The following IMPG1 variants were observed in gnomAD, a reference collection of about 807,000 sequenced individuals.
IMPG1 encodes the protein interphotoreceptor matrix proteoglycan 1, also known as interphotoreceptor matrix proteoglycan of 150 kDa.
In IMPG1, 85 loss-of-function variants were observed where a neutral mutation model predicts 92.0. The observed-to-expected ratio is 0.92, with a 90% CI of 0.78 to 1.11. The LOEUF is 1.11. Among genes scored for constraint, IMPG1 ranks in the 50% least tolerant of loss-of-function variants. The probability of loss-of-function intolerance (pLI) is 0.00; values close to 1 mark genes in which losing one functional copy is unlikely to be tolerated. For synonymous variants in IMPG1, 367 were observed against 334.1 expected, an observed-to-expected ratio of 1.10 and a Z score of -1.08; for missense variants, 1,022 against 956.0, an observed-to-expected ratio of 1.07 and a Z score of -0.91.
At chr6:76,042,418 A>G (rs1582125492) in intron 1 of IMPG1, among the ~76,000 whole-genome samples, 1 of 151,880 alleles carries the variant, frequency 6.6e-6, no homozygotes, top group South Asian at 2.1e-4. Flanking sequence ...TCTAAAAATC[A>G]CTCCCCACTT....
At chr6:75,990,388 C>T (rs1241479673) in intron 12 of IMPG1, among the ~76,000 whole-genome samples, 2 of 152,248 alleles carry the variant, frequency 1.3e-5, no homozygotes, top group Middle Eastern at 3.4e-3. Flanking sequence ...ATCCTCTTAT[C>T]TTTTGGTTTA....
intron 14 of IMPG1, among the ~76,000 whole-genome samples, chr6:75,933,322 C>A (rs1007422508): frequency 5.3e-5 from 8 of 152,084 alleles, no homozygotes; most frequent in Admixed American, 5.2e-4. Flanking sequence ...GCCTTCACTG[C>A]CTGGATTTGT....
At chr6:75,947,566 T>A in intron 13 of IMPG1, 33 bp from the exon 14 acceptor site, 1 of 1,468,710 alleles carries the variant, frequency 6.8e-7, no homozygotes, top group South Asian at 1.2e-5. Flanking sequence ...CTCTTAACTG[T>A]GTTCTAAGTG....
chr6:75,950,759 G>C lies in IMPG1; in HGVS notation c.1627C>G (p.Pro543Ala), dbSNP rs1426602405. The change falls in exon 13 of 17, where the codon CCA (proline) becomes GCA (alanine). Residue 543 changes from proline to alanine, a missense_variant. Pro to Ala is a conservative substitution (Grantham distance 27). Around this residue, in one of 3 missense-constraint regions of IMPG1, gnomAD observed 332 missense variants for 346.2 expected, o/e 0.96. Coordinates refer to ENST00000369950, the MANE Select transcript of IMPG1 (RefSeq NM_001563.4). ...GTGGTATCCTCCAAGAAATGATCTG[G>C]GACAGAAACATATTCGCTGAGCTCT... is the stretch of plus-strand genomic sequence containing the variant. ...VPELSEYVSV[P>A]DHFLEDTTPV... The C allele has an allele frequency of 6.2e-7, 1 of 1,613,890 alleles. No homozygotes were observed. Among genetic ancestry groups the C allele is most frequent in the Admixed American group, 1.7e-5 (1 of 59,958 alleles).
chr6:76,063,793 CT>C (rs1582139025), intron 1 of IMPG1, among the ~76,000 whole-genome samples: 1 of 152,208 alleles, frequency 6.6e-6, no homozygotes, highest in East Asian at 1.9e-4. Context: ...CAGTATTCCT[CT>C]TGTTCCAGCC....
At chr6:75,980,228 T>C (rs1248278499) in intron 12 of IMPG1, among the ~76,000 whole-genome samples, 2 of 152,196 alleles carry the variant, frequency 1.3e-5, no homozygotes, top group African/African-American at 4.8e-5. Flanking sequence ...TAAAAGATAA[T>C]CCATCCTGAT....
At chr6:76,004,000 G>C (rs777633835) in intron 10 of IMPG1, 50 bp from the exon 11 acceptor site, 1 of 1,425,042 alleles carries the variant, frequency 7.0e-7, no homozygotes, top group Non-Finnish European at 9.8e-7. Context: ...TTTTTCTTTT[G>C]TGGTTGGGAC....
chr6:75,989,763 A>G (rs1173525592), intron 12 of IMPG1, among the ~76,000 whole-genome samples: 1 of 152,204 alleles, frequency 6.6e-6, no homozygotes, highest in Non-Finnish European at 1.5e-5. Context: ...GAATCTCTTG[A>G]ACCCATGAGG....
intron 1 of IMPG1, among the ~76,000 whole-genome samples, chr6:76,058,312 C>T (rs886963195): frequency 6.6e-6 from 1 of 152,080 alleles, no homozygotes; most frequent in South Asian, 2.1e-4. Context: ...AGAGAAGATA[C>T]TTCAAATGAA....
chr6:76,003,899 G>A lies in IMPG1; in HGVS notation c.1187C>T (p.Pro396Leu). The A allele has an allele frequency of 6.2e-7, 1 of 1,613,200 alleles. No individual in the cohort carries two copies. ...AFGPDTQSEL[P>L]TSFAVITEDA... ...CTCTGTTATAACAGCAAAAGATGTG[G>A]GCAGCTCTGATTGGGTGTCAGGACC... Residue 396 changes from proline (P) to leucine (L), a missense_variant, in exon 11 of 17, where the codon CCC becomes CTC. By Grantham distance (98) the Pro-to-Leu change is moderately conservative. Around this residue, in one of 3 missense-constraint regions of IMPG1, gnomAD observed 681 missense variants for 583.6 expected, o/e 1.17. Coordinates refer to ENST00000369950, the MANE Select transcript of IMPG1 (RefSeq NM_001563.4).
intron 5 of IMPG1, among the ~76,000 whole-genome samples, chr6:76,022,994 C>T (rs1421805646): frequency 6.6e-6 from 1 of 152,098 alleles, no homozygotes; most frequent in African/African-American, 2.4e-5. Context: ...AAAAATGATT[C>T]AATCTTTCCT....
At chr6:76,052,313 T>C (rs1488416982) in intron 1 of IMPG1, among the ~76,000 whole-genome samples, 4 of 152,172 alleles carry the variant, frequency 2.6e-5, no homozygotes, top group Non-Finnish European at 4.4e-5. Flanking sequence ...GCAGGGCATA[T>C]TGAGAAGAGG....
intron 12 of IMPG1, among the ~76,000 whole-genome samples, chr6:75,972,408 C>T (rs1782438731): frequency 6.6e-6 from 1 of 151,762 alleles, no homozygotes; most frequent in African/African-American, 2.4e-5. Context: ...ATAACCCATC[C>T]CAACCCTTTT....
At position 75,991,743 on chromosome 6, in the gene IMPG1, T is replaced by C. The variant is rs143583097; in HGVS notation, c.1291+11175A>G. The stretch of plus-strand genomic sequence containing the variant: ...TTACCATCAATGACAAACACATTCT[T>C]TTATATTATAATTAAGTGCATCCTG... On this transcript the variant is annotated intron_variant, in intron 12 of 16. Coordinates refer to ENST00000369950, the MANE Select transcript of IMPG1 (RefSeq NM_001563.4). 4.6e-4 allele frequency among the ~76,000 whole-genome samples: 70 copies of C among 152,320 alleles called. 1 individual carries two copies. Among genetic ancestry groups the C allele is most frequent in the African/African-American group, 1.6e-3 (65 of 41,566 alleles).
At chr6:75,987,746 G>T (rs748226667) in intron 12 of IMPG1, among the ~76,000 whole-genome samples, 1 of 151,382 alleles carries the variant, frequency 6.6e-6, no homozygotes. Flanking sequence ...CCGGGTTCAC[G>T]CCATTCTCCT....
chr6:75,953,976 T>C (rs1309372500), intron 12 of IMPG1, among the ~76,000 whole-genome samples: 1 of 152,250 alleles, frequency 6.6e-6, no homozygotes, highest in Non-Finnish European at 1.5e-5. Flanking sequence ...TATTCCATGG[T>C]ATATATGTGC....
chr6:76,060,057 C>T (rs1177162385), intron 1 of IMPG1, among the ~76,000 whole-genome samples: 3 of 152,124 alleles, frequency 2.0e-5, no homozygotes, highest in Non-Finnish European at 2.9e-5. Flanking sequence ...TGACTTTTCT[C>T]CACAAAATTT....
chr6:75,946,535 A>G (rs1324384790), intron 14 of IMPG1, among the ~76,000 whole-genome samples: 1 of 152,198 alleles, frequency 6.6e-6, no homozygotes, highest in African/African-American at 2.4e-5. Flanking sequence ...ACTTCTTTCA[A>G]TTGGTTAGAA....
intron 4 of IMPG1, among the ~76,000 whole-genome samples, chr6:76,032,748 T>C (rs1452980920): frequency 6.6e-6 from 1 of 151,948 alleles, no homozygotes; most frequent in African/African-American, 2.4e-5. Context: ...TTTGGATAGA[T>C]GGAGTGGAAA....
Sources: gnomAD v4.1 joint callset for allele counts (sites outside exome capture counted in the v4.1 genomes callset) on GRCh38, gnomAD v4.1.1 for gene constraint, gnomAD v4.1.1 regional missense constraint, MANE v1.5 for transcripts, NCBI Gene and HGNC (gene_info 2026-07-23, HGNC 2026-07-21) for gene names.